F8: variants seen among roughly 807,000 people sequenced by gnomAD.
F8 encodes antihemophilic factor.
Under a neutral mutation model 140.6 loss-of-function variants are expected in F8, and 12 were observed. The observed-to-expected ratio is 0.09, with a 90% confidence interval of 0.05 to 0.14. The LOEUF is 0.14. Ranked by LOEUF, F8 falls within the 10% of genes least tolerant of loss-of-function variation. F8 has a pLI of 1.00. For synonymous variants in F8, 585 were observed against 614.6 expected (o/e 0.95, Z 0.71); for missense variants, 1,354 against 1,720.7 (o/e 0.79, Z 3.77).
At chrX:154,997,245 C>A in intron 2 of F8, 150 bp from the exon 3 acceptor site, 1 of 678,391 alleles carries the variant, frequency 1.5e-6, no homozygotes, top group Non-Finnish European at 2.3e-6. Flanking sequence ...CAACATCAGC[C>A]TAACCTTATG....
intron 14 of F8, among the ~76,000 whole-genome samples, chrX:154,910,836 G>T (rs143515388): frequency 1.8e-5 from 2 of 109,415 alleles, no homozygotes; most frequent in South Asian, 4.3e-4. Flanking sequence ...TCTCCTGCTC[G>T]TCCCTGGGCA....
intron 19 of F8, 98 bp from the exon 20 acceptor site, chrX:154,901,540 T>C: frequency 3.3e-6 from 2 of 610,810 alleles, no homozygotes; most frequent in South Asian, 2.2e-5. Context: ...ACAAATGCTA[T>C]TTTTTAGTGT....
chrX:154,872,181 A>T (rs1335908066), intron 22 of F8, among the ~76,000 whole-genome samples: 2 of 111,896 alleles, frequency 1.8e-5, no homozygotes, highest in Non-Finnish European at 3.8e-5. Flanking sequence ...CATTTGACCC[A>T]GCAAATCCCA....
intron 14 of F8, among the ~76,000 whole-genome samples, chrX:154,924,153 A>G (rs1449487992): frequency 9.0e-6 from 1 of 111,658 alleles, no homozygotes; most frequent in Non-Finnish European, 1.9e-5. Flanking sequence ...TCTCAGGTAT[A>G]TCTTTATCAG....
At chrX:154,939,462 T>A (rs1461245538) in intron 13 of F8, among the ~76,000 whole-genome samples, 6 of 112,328 alleles carry the variant, frequency 5.3e-5, no homozygotes, top group Non-Finnish European at 1.1e-4. Flanking sequence ...GCAGCAAGGC[T>A]GGGGGATGGG....
rs1279453826 is a variant in F8, at chrX:154,836,744, T to G, written c.*853A>C. 2.7e-5 allele frequency: 3 copies of G among 111,943 alleles called. No homozygotes were observed. Among genetic ancestry groups the G allele is most frequent in the African/African-American group, 9.7e-5 (3 of 30,779 alleles). 9.2% of individuals were successfully genotyped at this position (111,943 alleles called of 1,213,427 possible). A position where few individuals can be genotyped will look rare whatever the true frequency, so the allele number is the denominator to read the frequency against. On this transcript the variant is annotated 3_prime_UTR_variant, in exon 26 of 26. Transcript: ENST00000360256. ...TCATCATCATTTTCTTTCTTGGCCA[T>G]CACAAATTTCAAGAAGACATTGTTA... is the stretch of plus-strand genomic sequence containing the variant.
At chrX:154,867,917 T>C (rs1557273262) in intron 22 of F8, among the ~76,000 whole-genome samples, 3 of 110,606 alleles carry the variant, frequency 2.7e-5, no homozygotes, top group Non-Finnish European at 5.7e-5. Context: ...ATATACCACA[T>C]TATCAGAATG....
chrX:154,839,432 G>A (rs905388075), intron 25 of F8, among the ~76,000 whole-genome samples: 15 of 104,971 alleles, frequency 1.4e-4, no homozygotes, highest in African/African-American at 4.2e-4. Flanking sequence ...GCACCATCTC[G>A]GCTCACTGCA....
At chrX:155,009,719 A>C (rs2073696905) in intron 1 of F8, among the ~76,000 whole-genome samples, 1 of 110,948 alleles carries the variant, frequency 9.0e-6, no homozygotes, top group African/African-American at 3.3e-5. Flanking sequence ...TGGGGGATAG[A>C]GTTAGACTCT....
intron 1 of F8, among the ~76,000 whole-genome samples, chrX:155,004,071 T>G: frequency 9.1e-6 from 1 of 110,246 alleles, no homozygotes; most frequent in Non-Finnish European, 1.9e-5. Context: ...CAAAAAATGT[T>G]GTAAGAAACC....
intron 22 of F8, among the ~76,000 whole-genome samples, chrX:154,871,405 C>T (rs1050543365): frequency 8.9e-6 from 1 of 112,006 alleles, no homozygotes; most frequent in South Asian, 3.7e-4. Context: ...CAGTTACAAC[C>T]ATATGATCTT....
At chrX:154,841,814 A>G (rs2072523950) in intron 25 of F8, among the ~76,000 whole-genome samples, 1 of 111,476 alleles carries the variant, frequency 9.0e-6, no homozygotes, top group Non-Finnish European at 1.9e-5. Context: ...TTGGATCCAT[A>G]TTGCTAATAT....
At chrX:154,940,071 A>T (rs1446443813) in intron 13 of F8, among the ~76,000 whole-genome samples, 3 of 111,893 alleles carry the variant, frequency 2.7e-5, no homozygotes, top group Admixed American at 9.5e-5. Flanking sequence ...GGGAAAAAAC[A>T]GAGCAGAAAA....
At chrX:154,895,526 A>G (rs183891381) in intron 22 of F8, among the ~76,000 whole-genome samples, 2 of 111,927 alleles carry the variant, frequency 1.8e-5, no homozygotes, top group Admixed American at 1.9e-4. Flanking sequence ...GTATAAATGG[A>G]AACAGAAGAA....
chrX:154,880,895 A>T, intron 22 of F8, among the ~76,000 whole-genome samples: 1 of 110,994 alleles, frequency 9.0e-6, no homozygotes, highest in East Asian at 2.8e-4. Context: ...GAATGAGCAC[A>T]TGAATTATCA....
chrX:154,982,177 C>T (rs180688449), intron 6 of F8, among the ~76,000 whole-genome samples: 1 of 100,513 alleles, frequency 9.9e-6, no homozygotes, highest in Admixed American at 1.1e-4. Context: ...GAACAAGACT[C>T]CGTCTCAAAA....
At chrX:154,844,943 C>T (rs2072552381) in intron 25 of F8, among the ~76,000 whole-genome samples, 1 of 110,479 alleles carries the variant, frequency 9.1e-6, no homozygotes, top group Non-Finnish European at 1.9e-5. Context: ...ATAAATAGCT[C>T]TTATTATTTT....
At chrX:154,960,956 A>C (rs2073392137) in intron 10 of F8, 119 bp downstream of exon 10, 4 of 515,459 alleles carry the variant, frequency 7.8e-6, no homozygotes, top group Non-Finnish European at 1.4e-5. Context: ...TTTAGACTGG[A>C]GCTTGAGGTC....
intron 22 of F8, among the ~76,000 whole-genome samples, chrX:154,867,690 C>CAAA (rs373471645): frequency 4.1e-4 from 17 of 41,766 alleles, no homozygotes; most frequent in Admixed American, 9.3e-4. Context: ...GACTCTGTCT[C>CAAA]AAAAAAAAAA....
Sources: allele counts gnomAD v4.1 joint callset (sites outside exome capture counted in the v4.1 genomes callset), GRCh38; gene constraint gnomAD v4.1.1; transcripts MANE v1.5; gene names NCBI Gene and HGNC (gene_info 2026-07-23, HGNC 2026-07-21).